CPNE1: variants seen among roughly 807,000 people sequenced by gnomAD.
The protein encoded by CPNE1 is copine 1, also known as copine-1.
CPNE1 carries 58 observed loss-of-function variants against 63.2 expected under a neutral mutation model. The observed-to-expected ratio is 0.92, with a 90% CI of 0.74 to 1.14. The LOEUF (loss-of-function observed/expected upper bound fraction) is 1.14, where lower values mean the gene tolerates loss of function less well. Among genes scored for constraint, CPNE1 ranks in the 50% most tolerant of loss-of-function variants. The probability of loss-of-function intolerance (pLI) is 0.00; values close to 1 mark genes in which losing one functional copy is unlikely to be tolerated. For synonymous variants in CPNE1, 237 were observed against 249.0 expected (o/e 0.95, Z 0.45); for missense variants, 672 against 661.7 (o/e 1.02, Z -0.17).
At chr20:35,657,012 A>G (rs1177818345) in intron 1 of CPNE1, among the ~76,000 whole-genome samples, 1 of 152,250 alleles carries the variant, frequency 6.6e-6, no homozygotes, top group African/African-American at 2.4e-5. Flanking sequence ...TTATATCTCA[A>G]TATTACAACT....
At chr20:35,639,803 T>C (rs1337807093) in intron 1 of CPNE1, among the ~76,000 whole-genome samples, 1 of 152,256 alleles carries the variant, frequency 6.6e-6, no homozygotes. Flanking sequence ...AGAGATGCCC[T>C]TGGTCTGGGC....
intron 1 of CPNE1, chr20:35,653,895 T>C (rs1197726161): frequency 1.9e-6 from 3 of 1,614,196 alleles, no homozygotes; most frequent in Non-Finnish European, 2.5e-6. Context: ...TTCTGAACTC[T>C]ACAAAGCCTT....
intron 1 of CPNE1, among the ~76,000 whole-genome samples, chr20:35,659,979 A>G (rs1042819951): frequency 1.3e-5 from 2 of 152,236 alleles, no homozygotes; most frequent in African/African-American, 2.4e-5. Context: ...CCAAGACCAA[A>G]ATACAACTAA....
At chr20:35,660,974 C>A (rs2034202172) in intron 1 of CPNE1, among the ~76,000 whole-genome samples, 1 of 152,208 alleles carries the variant, frequency 6.6e-6, no homozygotes, top group Non-Finnish European at 1.5e-5. Flanking sequence ...GAAGATATTT[C>A]TCATTCCACA....
intron 1 of CPNE1, chr20:35,652,459 A>G: frequency 1.3e-6 from 2 of 1,515,088 alleles, no homozygotes; most frequent in Non-Finnish European, 1.8e-6. Flanking sequence ...AATACTAGGA[A>G]AACAATCTGG....
intron 1 of CPNE1, among the ~76,000 whole-genome samples, chr20:35,647,943 A>G (rs1468120255): frequency 6.6e-6 from 1 of 151,540 alleles, no homozygotes; most frequent in Non-Finnish European, 1.5e-5. Flanking sequence ...GCACGCACCT[A>G]TAGTCTCAGC....
intron 1 of CPNE1, chr20:35,658,896 T>C: frequency 4.2e-6 from 3 of 710,390 alleles, no homozygotes; most frequent in Non-Finnish European, 7.8e-6. Flanking sequence ...TTTTATTTTG[T>C]ATAAAAACGA....
At position 35,658,708 on chromosome 20, in the gene CPNE1, C is replaced by T. The variant is rs527923120; in HGVS notation, c.-1+6052G>A. 4.0e-5 allele frequency among the ~76,000 whole-genome samples: 6 copies of T among 151,732 alleles called. No homozygotes were observed. The South Asian group carries it at 1.3e-3, about 32-fold the overall frequency. On this transcript the variant is annotated intron_variant, in intron 1 of 15. Coordinates refer to ENST00000397443, the MANE Select transcript of CPNE1 (RefSeq NM_152925.3). ...CCGGGAGGCGGAGGTTGCAGTGAGC[C>T]GAGATGGCACCACTGCACTCCAGCC...
intron 1 of CPNE1, among the ~76,000 whole-genome samples, chr20:35,655,903 T>C (rs919773917): frequency 6.6e-6 from 1 of 152,196 alleles, no homozygotes; most frequent in Non-Finnish European, 1.5e-5. Context: ...AAAAGTAGAT[T>C]CAAGTCTTAA....
intron 1 of CPNE1, chr20:35,658,840 A>AC (rs2034066150): frequency 3.1e-6 from 2 of 649,436 alleles, no homozygotes; most frequent in African/African-American, 2.0e-5. Context: ...CACACACACA[A>AC]TATAGTTGCT....
At chr20:35,650,240 TTTTAA>T (rs1004312360) in intron 1 of CPNE1, 18 of 152,468 alleles carry the variant, frequency 1.2e-4, no homozygotes, top group South Asian at 4.1e-4. Context: ...CAAACCGCTC[TTTTAA>T]TTTATTTAAT....
Position 35,640,904 on chromosome 20 carries a change from TTC to T in CPNE1, c.1-7983_1-7982del, listed in dbSNP as rs542154527. Among the ~76,000 whole-genome samples, 253 of 152,302 alleles carry T rather than the reference TTC, an allele frequency of 1.7e-3. 1 individual carries two copies. The highest frequency in any genetic ancestry group is 6.8e-3 in the Middle Eastern group (2 of 294). On this transcript the variant is annotated intron_variant, in intron 1 of 15. Coordinates refer to ENST00000397443, the MANE Select transcript of CPNE1 (RefSeq NM_152925.3). ...ACCCAACACCAAACACCAATTTATC[TTC>T]TCTGTTAGGTCCCCACCCCCTGACC...
chr20:35,632,447 C>A, intron 3 of CPNE1, 62 bp from the exon 4 acceptor site: 1 of 1,604,220 alleles, frequency 6.2e-7, no homozygotes, highest in South Asian at 1.1e-5. Flanking sequence ...TGCTTGCCCC[C>A]TACCTCCAGG....
intron 1 of CPNE1, chr20:35,655,349 A>G (rs1182220430): frequency 1.3e-6 from 2 of 1,582,542 alleles, no homozygotes; most frequent in African/African-American, 1.4e-5. Flanking sequence ...ACACACCTGC[A>G]GATGAGAAAA....
intron 1 of CPNE1, among the ~76,000 whole-genome samples, chr20:35,645,206 C>G (rs1028962315): frequency 6.6e-6 from 1 of 152,150 alleles, no homozygotes; most frequent in Non-Finnish European, 1.5e-5. Context: ...GAAAAGAAAC[C>G]TACCTATTGT....
intron 7 of CPNE1, 38 bp from the exon 8 acceptor site, chr20:35,631,616 T>C: frequency 6.2e-7 from 1 of 1,608,840 alleles, no homozygotes; most frequent in African/African-American, 1.3e-5. Context: ...ACAAGCCAGG[T>C]GGCAGATGAG....
In CPNE1 at chr20:35,626,730, C is replaced by T. The variant is rs201480145; in HGVS notation, c.1310G>A (p.Arg437His). 3.0e-5 allele frequency: 49 copies of T among 1,614,138 alleles called. No homozygotes were observed. The East Asian group carries it at 3.6e-4, about 12-fold the overall frequency. Residue 437 changes from arginine (R) to histidine (H), a missense_variant, in exon 15 of 16, where the codon CGT (arginine) becomes CAT (histidine). By Grantham distance (29) the Arg-to-His change is conservative (BLOSUM62 0). Coordinates refer to ENST00000397443, the MANE Select transcript of CPNE1 (RefSeq NM_152925.3). ...CACTGACATGGGCAGGTTCGAGGCA[C>T]GCACCACAGCCTCACGTGTGGCTTC... ...DVEATREAVV[R>H]ASNLPMSVII...
intron 1 of CPNE1, among the ~76,000 whole-genome samples, chr20:35,644,102 GGA>G (rs1231685987): frequency 1.3e-5 from 2 of 152,160 alleles, no homozygotes; most frequent in South Asian, 4.1e-4. Flanking sequence ...TTATTTGTGA[GGA>G]TTACATGAGG....
At chr20:35,636,333 A>C (rs888882772) in intron 1 of CPNE1, among the ~76,000 whole-genome samples, 1 of 152,246 alleles carries the variant, frequency 6.6e-6, no homozygotes, top group African/African-American at 2.4e-5. Context: ...GGCAGTGTTT[A>C]CACAGTACAG....
Sources: gnomAD v4.1 joint callset for allele counts (sites outside exome capture counted in the v4.1 genomes callset) on GRCh38, gnomAD v4.1.1 for gene constraint, MANE v1.5 for transcripts, NCBI Gene and HGNC (gene_info 2026-07-23, HGNC 2026-07-21) for gene names.